Variants in PRPSAP2 observed in about 807,000 individuals in gnomAD.
PRPSAP2 encodes the protein phosphoribosyl pyrophosphate synthase-associated protein 2.
In PRPSAP2, 24 loss-of-function variants were observed where a neutral mutation model predicts 40.6. The ratio of observed to expected loss-of-function variants is 0.59; its 90% CI spans 0.43 to 0.83. The LOEUF (loss-of-function observed/expected upper bound fraction) is 0.83, where lower values mean the gene tolerates loss of function less well. Ranked by LOEUF, PRPSAP2 falls within the 40% of genes least tolerant of loss-of-function variation. The pLI, the probability that PRPSAP2 is intolerant of heterozygous loss-of-function variation, is 0.00. For synonymous variants in PRPSAP2, 149 were observed against 164.7 expected (o/e 0.90, Z 0.73); for missense variants, 292 against 465.6 (o/e 0.63, Z 3.43).
intron 4 of PRPSAP2, among the ~76,000 whole-genome samples, chr17:18,867,645 G>A (rs1031241690): frequency 2.0e-5 from 3 of 152,178 alleles, no homozygotes; most frequent in Non-Finnish European, 2.9e-5. Flanking sequence ...TTAAATTTAT[G>A]TCACCTTAGG....
chr17:18,903,168 C>CT (rs1272632706), intron 8 of PRPSAP2, among the ~76,000 whole-genome samples: 19 of 152,228 alleles, frequency 1.2e-4, no homozygotes, highest in African/African-American at 4.6e-4. Context: ...TGGCTCACCC[C>CT]TGTAATCCCA....
In PRPSAP2 at chr17:18,897,130, G is replaced by GT. The variant is rs377276913; in HGVS notation, c.584+7261dup. On this transcript the variant is annotated intron_variant, in intron 8 of 11. Coordinates refer to ENST00000268835, the MANE Select transcript of PRPSAP2 (RefSeq NM_002767.4). ...AGCACCATGCCTGGCTAATTCTCAT[G>GT]TTTTTTTTGTAGAGATGGGGTCTCA... 2.0e-3 allele frequency among the ~76,000 whole-genome samples: 299 copies of GT among 151,650 alleles called. 3 individuals are homozygous for GT. The highest frequency in any genetic ancestry group is 0.017 in the Middle Eastern group (5 of 292).
chr17:18,931,272 G>A lies in PRPSAP2; in HGVS notation c.*574G>A, dbSNP rs1265579158. Reference sequence around the variant, plus strand: ...AATAAAATGAAAGCTAAATCTACACGCTGTGAATGTTGAAATGTTCATCAG... The same window carrying A: ...AATAAAATGAAAGCTAAATCTACACACTGTGAATGTTGAAATGTTCATCAG... On this transcript the variant is annotated 3_prime_UTR_variant, in exon 12 of 12. Transcript: ENST00000268835. The A allele has an allele frequency of 6.6e-6, 1 of 152,212 alleles. No homozygotes were observed. Among genetic ancestry groups the A allele is most frequent in the East Asian group, 1.9e-4 (1 of 5,200 alleles). The allele number at this position is 152,212 out of a possible 1,614,324, so 9.4% of individuals were successfully genotyped here.
rs2038696992 is a variant in PRPSAP2 at position 18,881,114 on chromosome 17, G to A, written c.413-1454G>A. On this transcript the variant is annotated intron_variant, in intron 6 of 11. Coordinates refer to ENST00000268835, the MANE Select transcript of PRPSAP2 (RefSeq NM_002767.4). ...CTTCCAAAGTGCTGGGATTACAGCTGTGAGCCATCGCACCTGACCAAGACT... is the reference window on the plus strand; with the variant it reads ...CTTCCAAAGTGCTGGGATTACAGCTATGAGCCATCGCACCTGACCAAGACT... Among the ~76,000 whole-genome samples the A allele has an allele frequency of 2.0e-5, 3 of 151,512 alleles. No homozygotes were observed. The South Asian group carries it at 6.2e-4, about 32-fold the overall frequency.
At chr17:18,923,802 C>T in intron 9 of PRPSAP2, 112 bp from the exon 10 acceptor site, 2 of 964,762 alleles carry the variant, frequency 2.1e-6, no homozygotes, top group Non-Finnish European at 3.0e-6. Flanking sequence ...TGAGGAAATT[C>T]CCTTGTATTC....
chr17:18,866,771 CA>C (rs1415714159), intron 3 of PRPSAP2, among the ~76,000 whole-genome samples: 11 of 152,128 alleles, frequency 7.2e-5, no homozygotes, highest in African/African-American at 2.4e-4. Context: ...GTCAACAAAA[CA>C]AACAAGGTAA....
At chr17:18,914,454 C>T (rs2041183497) in intron 9 of PRPSAP2, among the ~76,000 whole-genome samples, 1 of 147,670 alleles carries the variant, frequency 6.8e-6, no homozygotes, top group South Asian at 2.1e-4. Flanking sequence ...GAGACGGGGT[C>T]TTGCTTTGTT....
intron 8 of PRPSAP2, among the ~76,000 whole-genome samples, chr17:18,905,371 A>G (rs1191633394): frequency 6.6e-6 from 1 of 152,068 alleles, no homozygotes; most frequent in Non-Finnish European, 1.5e-5. Flanking sequence ...AGAGGTTGGT[A>G]TAATTGAAAT....
Position 18,889,885 on chromosome 17 carries a change from G to A in PRPSAP2, c.584+8G>A. ...TCCAGCCTCGGCGAAGAGGTAGGTG[G>A]GAATCTCACAACCTCTTTCTGGATC... On this transcript the variant is annotated splice_region_variant and intron_variant, in intron 8 of 11. Coordinates refer to ENST00000268835, the MANE Select transcript of PRPSAP2 (RefSeq NM_002767.4). The A allele has an allele frequency of 6.2e-7, 1 of 1,608,350 alleles. No homozygotes were observed. The highest frequency in any genetic ancestry group is 8.5e-7 in the Non-Finnish European group (1 of 1,176,388).
At chr17:18,872,052 C>T (rs987741251) in intron 4 of PRPSAP2, among the ~76,000 whole-genome samples, 30 of 152,022 alleles carry the variant, frequency 2.0e-4, no homozygotes, top group East Asian at 3.9e-4. Flanking sequence ...AGGCAGATCG[C>T]GAGGTCAGGA....
At chr17:18,926,458 G>A (rs1811444967) in intron 10 of PRPSAP2, among the ~76,000 whole-genome samples, 1 of 151,756 alleles carries the variant, frequency 6.6e-6, no homozygotes, top group Non-Finnish European at 1.5e-5. Flanking sequence ...TTGTAGAGAC[G>A]GGGTTTCACC....
In PRPSAP2 at chr17:18,882,584, TACTATGGATTTACACCAGAAG is replaced by T. The variant is rs1302907583; in HGVS notation, c.430_450del (p.Thr144_Lys150del). The T allele has an allele frequency of 8.9e-6, 14 of 1,577,778 alleles. No homozygotes were observed. Among genetic ancestry groups the T allele is most frequent in the Non-Finnish European group, 1.2e-5 (14 of 1,147,288 alleles). ...TTTTCAAAGGTCTAACTCATCTTAT[TACTATGGATTTACACCAGAAG>T]GAAATTCAGGGCTTCTTCAATATTC... On this transcript the variant is annotated inframe_deletion, in exon 7 of 12. Coordinates refer to ENST00000268835, the MANE Select transcript of PRPSAP2 (RefSeq NM_002767.4).
At chr17:18,860,209 G>A (rs950152362) in intron 1 of PRPSAP2, among the ~76,000 whole-genome samples, 6 of 152,090 alleles carry the variant, frequency 3.9e-5, no homozygotes, top group Non-Finnish European at 8.8e-5. Context: ...ACAGGTGCAT[G>A]CCACCACACC....
Position 18,911,249 on chromosome 17 carries a change from C to A in PRPSAP2, c.731C>A (p.Pro244His). ...VAAIHPSLEIPMLIPKEKPPI... is the reference protein window; with the variant it reads ...VAAIHPSLEIHMLIPKEKPPI... ...GCCATCCACCCCAGCCTGGAGATCC[C>A]CAGTAAGTGTGCTGCTGCCTCTTTC... The change falls in exon 9 of 12, where the codon CCC (proline) becomes CAC (histidine). Residue 244 changes from proline (P) to histidine (H), a missense_variant and splice_region_variant. Pro to His is a moderately conservative substitution (Grantham distance 77, BLOSUM62 -2). Around this residue, in one of 2 missense-constraint regions of PRPSAP2, gnomAD observed 241 missense variants for 425.7 expected, o/e 0.57. Transcript: ENST00000268835. This position sits in a 1 kb window ranked among gnomAD's most constrained non-coding sequence, Gnocchi z 4.5. 6.2e-7 allele frequency: 1 copy of A among 1,607,350 alleles called. No individual in the cohort carries two copies.
chr17:18,908,567 A>G (rs1462211891), intron 8 of PRPSAP2: 1 of 740,398 alleles, frequency 1.4e-6, no homozygotes, highest in African/African-American at 1.7e-5. Flanking sequence ...GATCTGTGCT[A>G]ACCACTCTTC....
chr17:18,922,668 A>ATTT lies in PRPSAP2; in HGVS notation c.734-1225_734-1223dup, dbSNP rs57263191. ...CATATGGCGCATATATATATATATAATTTTTTTTTTTTTTTTTTTTTTTGC... is the reference window on the plus strand; with the variant it reads ...CATATGGCGCATATATATATATATAATTTTTTTTTTTTTTTTTTTTTTTTTTGC... On this transcript the variant is annotated intron_variant, in intron 9 of 11. Transcript: ENST00000268835. Among the ~76,000 whole-genome samples, 430 of 89,786 alleles carry ATTT rather than the reference A, an allele frequency of 4.8e-3. 10 individuals carry two copies. The highest frequency in any genetic ancestry group is 5.5e-3 in the Non-Finnish European group (264 of 47,698). The allele number at this position is 89,786 out of a possible 152,430, so 58.9% of individuals were successfully genotyped here. A position where few individuals can be genotyped will look rare whatever the true frequency, so the allele number is the denominator to read the frequency against.
intron 9 of PRPSAP2, among the ~76,000 whole-genome samples, chr17:18,916,844 G>C (rs1294272155): frequency 2.0e-5 from 3 of 152,208 alleles, no homozygotes; most frequent in Non-Finnish European, 4.4e-5. Context: ...GAGCAAGGCA[G>C]CTCTCTGTAA....
chr17:18,911,437 G>A lies in PRPSAP2; in HGVS notation c.733+186G>A, dbSNP rs2040953102. 6.6e-6 allele frequency among the ~76,000 whole-genome samples: 1 copy of A among 152,102 alleles called. No homozygotes were observed. The highest frequency in any genetic ancestry group is 1.5e-5 in the Non-Finnish European group (1 of 68,028). On this transcript the variant is annotated intron_variant, in intron 9 of 11. Transcript: ENST00000268835. This position sits in a 1 kb window ranked among gnomAD's most constrained non-coding sequence, Gnocchi z 4.5. ...TTGTAAATTGTAAGGCCGTTTAGAA[G>A]CAGTCTGTCCTTCTTTGCAAGACCT...
At chr17:18,866,368 T>G (rs2037428093) in intron 3 of PRPSAP2, among the ~76,000 whole-genome samples, 1 of 152,112 alleles carries the variant, frequency 6.6e-6, no homozygotes. Context: ...ATTGAGACCA[T>G]CCTAGTTAAC....
Sources: allele counts gnomAD v4.1 joint callset (sites outside exome capture counted in the v4.1 genomes callset), GRCh38; gene constraint gnomAD v4.1.1; regional missense constraint gnomAD v4.1.1; non-coding constraint Gnocchi (gnomAD v3.1); transcripts MANE v1.5; gene names NCBI Gene and HGNC (gene_info 2026-07-23, HGNC 2026-07-21).